Variants in GAL3ST3 observed in about 807,000 individuals in gnomAD.
GAL3ST3 encodes beta-galactose-3-O-sulfotransferase 3.
Under a neutral mutation model 20.8 loss-of-function variants are expected in GAL3ST3, and 21 were observed. That is an observed-to-expected ratio of 1.01 (90% CI 0.72 to 1.45). The LOEUF (loss-of-function observed/expected upper bound fraction) is 1.45, where lower values mean the gene tolerates loss of function less well. Among genes scored for constraint, GAL3ST3 ranks in the 40% most tolerant of loss-of-function variants. The pLI is 0.00. For missense variants in GAL3ST3, 739 were observed against 662.7 expected, an observed-to-expected ratio of 1.12 and a Z score of -1.26; for synonymous variants, 355 against 307.2, an observed-to-expected ratio of 1.16 and a Z score of -1.63.
chr11:66,045,212 C>G, intron 2 of GAL3ST3, 79 bp downstream of exon 2: 3 of 1,287,820 alleles, frequency 2.3e-6, no homozygotes, highest in Non-Finnish European at 3.1e-6. Context: ...AGGGGAGGAG[C>G]AAAGCCTAGC....
Position 66,043,079 on chromosome 11 carries a change from C to G in GAL3ST3, c.724G>C (p.Glu242Gln). 1 of 1,611,804 alleles carries G rather than the reference C, an allele frequency of 6.2e-7. No homozygotes were observed. The highest frequency in any genetic ancestry group is 8.5e-7 in the Non-Finnish European group (1 of 1,179,372). Residue 242 changes from glutamate to glutamine, a missense_variant, in exon 3 of 3, where the codon GAG (glutamate) becomes CAG (glutamine). By Grantham distance (29) the Glu-to-Gln change is conservative. Coordinates refer to ENST00000312006, the MANE Select transcript of GAL3ST3 (RefSeq NM_033036.3). Reference sequence around the variant, plus strand: ...AGCACTAGCGACTCGTCGAAGTACTCGGCGATCATGACGAGCGAGAAAACC... The same window carrying G: ...AGCACTAGCGACTCGTCGAAGTACTGGGCGATCATGACGAGCGAGAAAACC... ...EEVFSLVMIA[E>Q]YFDESLVLLR...
chr11:66,047,614 G>A (rs1029424037), intron 1 of GAL3ST3, among the ~76,000 whole-genome samples: 9 of 152,186 alleles, frequency 5.9e-5, no homozygotes, highest in African/African-American at 2.2e-4. Flanking sequence ...CCTGAAGGCG[G>A]GCACCAGCTT....
At position 66,041,585 on chromosome 11, in the gene GAL3ST3, C is replaced by T. The variant is rs1012515338; in HGVS notation, c.*922G>A. On this transcript the variant is annotated 3_prime_UTR_variant, in exon 3 of 3. Coordinates refer to ENST00000312006, the MANE Select transcript of GAL3ST3 (RefSeq NM_033036.3). ...CACCCAAAGAGGTGTTGTGCTCTAA[C>T]CCCTCCAGTCCTTCCTCTTTGCTTA... Among the ~76,000 whole-genome samples, 2 of 152,224 alleles carry T rather than the reference C, an allele frequency of 1.3e-5. No homozygotes were observed. Among genetic ancestry groups the T allele is most frequent in the African/African-American group, 4.8e-5 (2 of 41,464 alleles).
intron 2 of GAL3ST3, chr11:66,044,945 T>A (rs1414441409): frequency 1.2e-5 from 2 of 172,582 alleles, no homozygotes; most frequent in Non-Finnish European, 2.5e-5. Flanking sequence ...GTCACACATA[T>A]CATGTCTCAC....
At position 66,042,352 on chromosome 11, in the gene GAL3ST3, G is replaced by A. The variant is rs948448765; in HGVS notation, c.*155C>T. The A allele has an allele frequency of 3.5e-5, 21 of 598,004 alleles. No homozygotes were observed. The highest frequency in any genetic ancestry group is 4.9e-5 in the South Asian group (2 of 41,014). 37.0% of individuals were successfully genotyped at this position (598,004 alleles called of 1,614,324 possible). A position where few individuals can be genotyped will look rare whatever the true frequency, so the allele number is the denominator to read the frequency against. ...CAAGGTTCAGCCCACGATCGGGAGC[G>A]GGGGCTCAGATAGGGAGGCGTACCC... is the stretch of plus-strand genomic sequence containing the variant. On this transcript the variant is annotated 3_prime_UTR_variant, in exon 3 of 3. Coordinates refer to ENST00000312006, the MANE Select transcript of GAL3ST3 (RefSeq NM_033036.3).
Position 66,042,382 on chromosome 11 carries a change from G to C in GAL3ST3, c.*125C>G. 2.6e-6 allele frequency: 2 copies of C among 754,926 alleles called. No individual in the cohort carries two copies. Among genetic ancestry groups the C allele is most frequent in the Non-Finnish European group, 4.0e-6 (2 of 503,364 alleles). The allele number at this position is 754,926 out of a possible 1,614,324, so 46.8% of individuals were successfully genotyped here. On this transcript the variant is annotated 3_prime_UTR_variant, in exon 3 of 3. Transcript: ENST00000312006. Reference sequence around the variant, plus strand: ...CTCAGATAGGGAGGCGTACCCCAAAGTTCAGCGAGGGACTCAAGCCCCTTG... The same window carrying C: ...CTCAGATAGGGAGGCGTACCCCAAACTTCAGCGAGGGACTCAAGCCCCTTG...
Position 66,042,835 on chromosome 11 carries a change from TCGCGCGCCTCGCGCTCCACGCA to T in GAL3ST3, c.946_967del (p.Cys316SerfsTer138). ...TAGGCGCTGGCGGGCCTCGCGCAGC[TCGCGCGCCTCGCGCTCCACGCA>T]CGCGCGGCCCGCGCGCGCCACGTGG... is the stretch of plus-strand genomic sequence containing the variant. On this transcript the variant is annotated frameshift_variant, in exon 3 of 3. Transcript: ENST00000312006. LOFTEE classifies it high-confidence loss of function. The T allele has an allele frequency of 3.0e-6, 4 of 1,330,370 alleles. No individual in the cohort carries two copies. The highest frequency in any genetic ancestry group is 1.7e-5 in the South Asian group (1 of 58,954). The allele number at this position is 1,330,370 out of a possible 1,614,324, so 82.4% of individuals were successfully genotyped here.
Position 66,042,442 on chromosome 11 carries a change from G to T in GAL3ST3, c.*65C>A. 1 of 1,268,642 alleles carries T rather than the reference G, an allele frequency of 7.9e-7. No individual in the cohort carries two copies. The highest frequency in any genetic ancestry group is 1.0e-6 in the Non-Finnish European group (1 of 960,438). The allele number at this position is 1,268,642 out of a possible 1,614,324, so 78.6% of individuals were successfully genotyped here. A position where few individuals can be genotyped will look rare whatever the true frequency, so the allele number is the denominator to read the frequency against. ...GGCTCTCATGGGGGCAGGACATGGA[G>T]GCAGCCCCTGGCTGGACTCCTGGGA... On this transcript the variant is annotated 3_prime_UTR_variant, in exon 3 of 3. Coordinates refer to ENST00000312006, the MANE Select transcript of GAL3ST3 (RefSeq NM_033036.3).
At chr11:66,045,888 C>CA (rs1420730416) in intron 1 of GAL3ST3, among the ~76,000 whole-genome samples, 2 of 152,176 alleles carry the variant, frequency 1.3e-5, no homozygotes, top group East Asian at 3.9e-4. Flanking sequence ...GGTCTCAACT[C>CA]AAAGTTTCCT....
chr11:66,043,468 G>C lies in GAL3ST3; in HGVS notation c.335C>G (p.Ser112Trp). Residue 112 changes from serine (S) to tryptophan (W), a missense_variant, in exon 3 of 3, where the codon TCG becomes TGG. Coordinates refer to ENST00000312006, the MANE Select transcript of GAL3ST3 (RefSeq NM_033036.3). ...EHQFCYPRNF[S>W]AHFVHPATRP... is the part of the protein sequence containing the mutation. ...CGTGGCCGGGTGCACGAAGTGCGCC[G>C]AGAAGTTGCGGGGGTAGCAGAACTG... is the stretch of plus-strand genomic sequence containing the variant. 6.2e-7 allele frequency: 1 copy of C among 1,610,154 alleles called. No homozygotes were observed. Among genetic ancestry groups the C allele is most frequent in the Non-Finnish European group, 8.5e-7 (1 of 1,178,990 alleles).
Position 66,042,597 on chromosome 11 carries a change from C to A in GAL3ST3, c.1206G>T (p.Arg402=). The A allele has an allele frequency of 6.5e-7, 1 of 1,536,948 alleles. No individual in the cohort carries two copies. Among genetic ancestry groups the A allele is most frequent in the Non-Finnish European group, 8.7e-7 (1 of 1,147,538 alleles). ...SNYLLRKQKR[R]GGARARPEPV... ...GCTCGGGCCGAGCCCGCGCACCGCC[C>A]CGGCGCTTCTGCTTGCGCAACAGGT... Residue 402 remains arginine, a synonymous_variant, in exon 3 of 3, where the codon CGG becomes CGT. Coordinates refer to ENST00000312006, the MANE Select transcript of GAL3ST3 (RefSeq NM_033036.3).
intron 1 of GAL3ST3, 146 bp from the exon 2 acceptor site, chr11:66,045,673 ATCTCC>A (rs1407811149): frequency 3.0e-6 from 1 of 332,610 alleles, no homozygotes; most frequent in African/African-American, 2.1e-5. Flanking sequence ...TCAAGACCCT[ATCTCC>A]TCACTGCTCC....
Position 66,043,035 on chromosome 11 carries a change from G to C in GAL3ST3, c.768C>G (p.Ala256=), listed in dbSNP as rs148488288. Residue 256 remains alanine (A), a synonymous_variant, in exon 3 of 3, where the codon GCC becomes GCG. Transcript: ENST00000312006. ...ESLVLLRRLL[A]WDLDDVLYAK... ...CGTAGAGCACGTCGTCCAGGTCCCAGGCCAGTAGGCGCCGCAGCAGCACTA... is the reference window on the plus strand; with the variant it reads ...CGTAGAGCACGTCGTCCAGGTCCCACGCCAGTAGGCGCCGCAGCAGCACTA... 2 of 1,610,478 alleles carry C rather than the reference G, an allele frequency of 1.2e-6. No individual in the cohort carries two copies. Among genetic ancestry groups the C allele is most frequent in the African/African-American group, 1.3e-5 (1 of 74,798 alleles).
Position 66,043,442 on chromosome 11 carries a change from G to T in GAL3ST3, c.361C>A (p.Arg121=). ...TGGCTGGCCAGCACGTGCGGCGGCC[G>T]CGTGGCCGGGTGCACGAAGTGCGCC... is the stretch of plus-strand genomic sequence containing the variant. ...FSAHFVHPAT[R]PPHVLASHLR... Residue 121 remains arginine, a synonymous_variant, in exon 3 of 3, where the codon CGG becomes AGG. Transcript: ENST00000312006. 6.2e-7 allele frequency: 1 copy of T among 1,609,078 alleles called. No individual in the cohort carries two copies. Among genetic ancestry groups the T allele is most frequent in the East Asian group, 2.2e-5 (1 of 44,756 alleles).
chr11:66,043,602 G>C lies in GAL3ST3; in HGVS notation c.201C>G (p.Ala67=), dbSNP rs373015057. 14 of 1,612,744 alleles carry C rather than the reference G, an allele frequency of 8.7e-6. No homozygotes were observed. Among genetic ancestry groups the C allele is most frequent in the Non-Finnish European group, 1.2e-5 (14 of 1,179,888 alleles). The change falls in exon 3 of 3, where the codon GCC becomes GCG. Residue 67 remains alanine (A), a synonymous_variant. Coordinates refer to ENST00000312006, the MANE Select transcript of GAL3ST3 (RefSeq NM_033036.3). ...CTGCCGTCTTGTGAGTCTTCAGGAA[G>C]GCCACAGTCATGTGCTTGGGGCGCG... is the stretch of plus-strand genomic sequence containing the variant. ...SPPRPKHMTV[A]FLKTHKTAGT...
chr11:66,042,856 C>G lies in GAL3ST3; in HGVS notation c.947G>C (p.Cys316Ser), dbSNP rs1425140387. The change falls in exon 3 of 3, where the codon TGC becomes TCC. Residue 316 changes from cysteine to serine, a missense_variant. Transcript: ENST00000312006. ...WRHVARAGRA[C>S]VEREARELRE... ...CAGCTCGCGCGCCTCGCGCTCCACG[C>G]ACGCGCGGCCCGCGCGCGCCACGTG... 1 of 1,180,314 alleles carries G rather than the reference C, an allele frequency of 8.5e-7. No individual in the cohort carries two copies. Among genetic ancestry groups the G allele is most frequent in the Non-Finnish European group, 1.1e-6 (1 of 950,774 alleles). 73.1% of individuals were successfully genotyped at this position (1,180,314 alleles called of 1,614,324 possible). A position where few individuals can be genotyped will look rare whatever the true frequency, so the allele number is the denominator to read the frequency against.
At position 66,043,549 on chromosome 11, in the gene GAL3ST3, C is replaced by T. The variant is rs375759676; in HGVS notation, c.254G>A (p.Arg85His). 153 of 1,611,408 alleles carry T rather than the reference C, an allele frequency of 9.5e-5. No homozygotes were observed. The highest frequency in any genetic ancestry group is 1.2e-4 in the Non-Finnish European group (146 of 1,179,878). ...CGTCAGGTTGTGGCGCTCGGCAAAGCGAAACAGGATGTTCTGCACCGTCGT... is the reference window on the plus strand; with the variant it reads ...CGTCAGGTTGTGGCGCTCGGCAAAGTGAAACAGGATGTTCTGCACCGTCGT... ...AGTTVQNILF[R>H]FAERHNLTVA... Residue 85 changes from arginine (R) to histidine (H), a missense_variant, in exon 3 of 3, where the codon CGC (arginine) becomes CAC (histidine). Physicochemically the swap from Arg to His is conservative, Grantham distance 29 (BLOSUM62 0). Coordinates refer to ENST00000312006, the MANE Select transcript of GAL3ST3 (RefSeq NM_033036.3).
intron 2 of GAL3ST3, among the ~76,000 whole-genome samples, chr11:66,044,807 C>G (rs1459159891): frequency 6.6e-6 from 1 of 152,098 alleles, no homozygotes; most frequent in African/African-American, 2.4e-5. Flanking sequence ...CAGGGGCAGA[C>G]AGTGTAGAAA....
Position 66,042,867 on chromosome 11 carries a change from C to T in GAL3ST3, c.936G>A (p.Ala312=). The T allele has an allele frequency of 1.7e-6, 2 of 1,167,208 alleles. No homozygotes were observed. Among genetic ancestry groups the T allele is most frequent in the African/African-American group, 1.7e-5 (1 of 58,958 alleles). 72.3% of individuals were successfully genotyped at this position (1,167,208 alleles called of 1,614,324 possible). Residue 312 remains alanine (A), a synonymous_variant, in exon 3 of 3, where the codon GCG becomes GCA. Transcript: ENST00000312006. ...NATFWRHVAR[A]GRACVEREAR... is the part of the protein sequence containing the mutation. ...CCTCGCGCTCCACGCACGCGCGGCC[C>T]GCGCGCGCCACGTGGCGCCAGAAGG...
Sources: gnomAD v4.1 joint callset for allele counts (sites outside exome capture counted in the v4.1 genomes callset) on GRCh38, gnomAD v4.1.1 for gene constraint, MANE v1.5 for transcripts, NCBI Gene and HGNC (gene_info 2026-07-23, HGNC 2026-07-21) for gene names.